Variants in RELN observed in about 807,000 individuals in gnomAD.
The protein encoded by RELN is reelin.
A neutral mutation model predicts 427.6 loss-of-function variants in RELN; 108 were observed. The ratio of observed to expected loss-of-function variants is 0.25; its 90% CI spans 0.22 to 0.30. The LOEUF is 0.30. RELN is among the 10% of genes least tolerant of loss of function. The pLI, the probability that RELN is intolerant of heterozygous loss-of-function variation, is 1.00. For missense variants in RELN, 3,715 were observed against 4,302.8 expected, an observed-to-expected ratio of 0.86 and a Z score of 3.82; for synonymous variants, 1,524 against 1,513.4, an observed-to-expected ratio of 1.01 and a Z score of -0.16.
chr7:103,937,471 T>C (rs949852441), intron 1 of RELN, among the ~76,000 whole-genome samples: 5 of 152,212 alleles, frequency 3.3e-5, no homozygotes, highest in African/African-American at 4.8e-5. Context: ...ATGGATATTA[T>C]TGGCCCTGGA....
At position 103,962,808 on chromosome 7, in the gene RELN, TTAAAG is replaced by T. The variant is rs150549794; in HGVS notation, c.226+26318_226+26322del. Among the ~76,000 whole-genome samples, 957 of 152,312 alleles carry T rather than the reference TTAAAG, an allele frequency of 6.3e-3. 9 individuals are homozygous for T. Among genetic ancestry groups the T allele is most frequent in the African/African-American group, 0.021 (879 of 41,558 alleles). On this transcript the variant is annotated intron_variant, in intron 1 of 64. Coordinates refer to ENST00000428762, the MANE Select transcript of RELN (RefSeq NM_005045.4). ...TGACAATCTAACCAGAAAGGTTAAG[TTAAAG>T]TAAAAACTTACAGCTTCATAATTAA...
chr7:103,653,584 A>T (rs1225845411), intron 13 of RELN, among the ~76,000 whole-genome samples: 1 of 152,088 alleles, frequency 6.6e-6, no homozygotes, highest in African/African-American at 2.4e-5. Flanking sequence ...AGTATCTCAC[A>T]TAATTTTGAA....
rs111871023 is a variant in RELN, at chr7:103,840,732, T to C, written c.338-7060A>G. ...ACCATGAAAGAGATATACCACCTAA[T>C]TAATATATGTAAGTTGGAAACCATT... is the stretch of plus-strand genomic sequence containing the variant. On this transcript the variant is annotated intron_variant, in intron 2 of 64. Coordinates refer to ENST00000428762, the MANE Select transcript of RELN (RefSeq NM_005045.4). Among the ~76,000 whole-genome samples the C allele has an allele frequency of 1.6e-3, 251 of 152,300 alleles. 1 individual carries two copies. The highest frequency in any genetic ancestry group is 5.8e-3 in the African/African-American group (243 of 41,554).
At chr7:103,728,234 G>T in intron 6 of RELN, 27 bp from the exon 7 acceptor site, 1 of 1,605,442 alleles carries the variant, frequency 6.2e-7, no homozygotes, top group Non-Finnish European at 8.5e-7. Context: ...CACAGTCCCC[G>T]TCTGAGAACT....
intron 16 of RELN, among the ~76,000 whole-genome samples, chr7:103,645,295 C>T (rs562052728): frequency 1.3e-5 from 2 of 151,756 alleles, no homozygotes; most frequent in African/African-American, 4.8e-5. Context: ...AGTTCTTGAA[C>T]AGAAATGGAT....
At chr7:103,982,121 G>A (rs1268186552) in intron 1 of RELN, among the ~76,000 whole-genome samples, 1 of 151,950 alleles carries the variant, frequency 6.6e-6, no homozygotes, top group Non-Finnish European at 1.5e-5. Context: ...AGCCGAAAAG[G>A]TGTCACTGCA....
chr7:103,625,808 G>C (rs959838346), intron 20 of RELN, among the ~76,000 whole-genome samples: 2 of 151,984 alleles, frequency 1.3e-5, no homozygotes, highest in Non-Finnish European at 2.9e-5. Context: ...TGTTTTGATT[G>C]GTATGGGAAC....
intron 3 of RELN, among the ~76,000 whole-genome samples, chr7:103,810,105 C>A (rs1792700079): frequency 1.3e-5 from 2 of 152,168 alleles, no homozygotes; most frequent in South Asian, 4.1e-4. Context: ...ACCAAAGGAA[C>A]TACTTCAATT....
chr7:103,668,086 C>T (rs759026711), intron 11 of RELN, among the ~76,000 whole-genome samples: 7 of 151,940 alleles, frequency 4.6e-5, no homozygotes, highest in Admixed American at 2.0e-4. Flanking sequence ...AAAAATTAGC[C>T]GGGCATGGTG....
At chr7:103,474,974 A>G (rs1433878697) in intron 64 of RELN, among the ~76,000 whole-genome samples, 1 of 152,214 alleles carries the variant, frequency 6.6e-6, no homozygotes, top group Non-Finnish European at 1.5e-5. Context: ...CACTTTGCCC[A>G]AAACCATGCA....
intron 34 of RELN, among the ~76,000 whole-genome samples, chr7:103,562,858 T>C (rs1830671805): frequency 6.6e-6 from 1 of 152,230 alleles, no homozygotes; most frequent in Non-Finnish European, 1.5e-5. Context: ...TAGGATGACA[T>C]ACATGGCTCC....
chr7:103,928,010 A>AT (rs66776547), intron 1 of RELN, among the ~76,000 whole-genome samples: 63,721 of 151,838 alleles, frequency 0.42, 13,369 homozygotes, highest in South Asian at 0.52. Context: ...TGATTTGTTG[A>AT]TTTTTTTTAT....
At chr7:103,954,244 A>G (rs1796389913) in intron 1 of RELN, among the ~76,000 whole-genome samples, 1 of 152,184 alleles carries the variant, frequency 6.6e-6, no homozygotes, top group Non-Finnish European at 1.5e-5. Flanking sequence ...TGGGCAACAG[A>G]GTGAGACTCT....
In RELN at chr7:103,776,485, T is replaced by C; in HGVS notation, c.544+72A>G. ...TAAGTAATCATAATGAAATGCTTAC[T>C]TGGTACATAGAACACAGGACCTACC... On this transcript the variant is annotated intron_variant, in intron 4 of 64. Coordinates refer to ENST00000428762, the MANE Select transcript of RELN (RefSeq NM_005045.4). 4 of 1,456,646 alleles carry C rather than the reference T, an allele frequency of 2.7e-6. No homozygotes were observed. In the South Asian group the frequency reaches 4.6e-5, roughly 17 times the overall value. The allele number at this position is 1,456,646 out of a possible 1,614,324, so 90.2% of individuals were successfully genotyped here. A position where few individuals can be genotyped will look rare whatever the true frequency, so the allele number is the denominator to read the frequency against.
intron 52 of RELN, 44 bp downstream of exon 52, chr7:103,502,972 T>C: frequency 2.6e-6 from 4 of 1,517,282 alleles, no homozygotes; most frequent in Non-Finnish European, 3.7e-6. Flanking sequence ...ATGGTGTACC[T>C]TCTGGATGCT....
In RELN at chr7:103,520,957, A is replaced by ATTTTTTTT. The variant is rs55830035; in HGVS notation, c.7668+1057_7668+1064dup. Among the ~76,000 whole-genome samples the ATTTTTTTT allele has an allele frequency of 5.0e-3, 399 of 79,142 alleles. 54 individuals carry two copies. The highest frequency in any genetic ancestry group is 0.019 in the East Asian group (49 of 2,588). The allele number at this position is 79,142 out of a possible 152,430, so 51.9% of individuals were successfully genotyped here. A position where few individuals can be genotyped will look rare whatever the true frequency, so the allele number is the denominator to read the frequency against. On this transcript the variant is annotated intron_variant, in intron 48 of 64. Transcript: ENST00000428762. ...ATAAAGAGCTGGCAGTAAATTTGTT[A>ATTTTTTTT]TTTTTTTTTTTTTTTTTTTTTTTTT...
rs374591231 is a variant in RELN at position 103,578,019 on chromosome 7, C to T, written c.4146-2314G>A. ...TGGAAGAAGCCAGCTCAGATTTGGGCCCAGAAGAATTCAGAGGGTTGAAGA... is the reference window on the plus strand; with the variant it reads ...TGGAAGAAGCCAGCTCAGATTTGGGTCCAGAAGAATTCAGAGGGTTGAAGA... On this transcript the variant is annotated intron_variant, in intron 28 of 64. Coordinates refer to ENST00000428762, the MANE Select transcript of RELN (RefSeq NM_005045.4). 2.6e-5 allele frequency among the ~76,000 whole-genome samples: 4 copies of T among 152,114 alleles called. No individual in the cohort carries two copies. The East Asian group carries it at 7.7e-4, about 29-fold the overall frequency.
intron 2 of RELN, among the ~76,000 whole-genome samples, chr7:103,901,893 G>A (rs1795091631): frequency 6.6e-6 from 1 of 151,962 alleles, no homozygotes; most frequent in Non-Finnish European, 1.5e-5. Context: ...TTATGTATGT[G>A]ATTTGTGTCT....
At chr7:103,837,860 C>G (rs955439126) in intron 2 of RELN, among the ~76,000 whole-genome samples, 1 of 152,170 alleles carries the variant, frequency 6.6e-6, no homozygotes, top group Non-Finnish European at 1.5e-5. Context: ...TCTGACATAT[C>G]ACAGATTCTC....
Sources: allele counts gnomAD v4.1 joint callset (sites outside exome capture counted in the v4.1 genomes callset), GRCh38; gene constraint gnomAD v4.1.1; transcripts MANE v1.5; gene names NCBI Gene and HGNC (gene_info 2026-07-23, HGNC 2026-07-21).